The following TMC2 variants were observed in gnomAD, a reference collection of about 807,000 sequenced individuals.
TMC2 encodes the protein transmembrane channel-like protein 2.
TMC2 carries 102 observed loss-of-function variants against 105.9 expected under a neutral mutation model. The observed-to-expected ratio is 0.96, with a 90% CI of 0.82 to 1.14. The LOEUF (loss-of-function observed/expected upper bound fraction) is 1.14, where lower values mean the gene tolerates loss of function less well. Ranked by LOEUF, TMC2 falls within the 50% of genes most tolerant of loss-of-function variation. The pLI, the probability that TMC2 is intolerant of heterozygous loss-of-function variation, is 0.00. For missense variants in TMC2, 1,093 were observed against 1,134.3 expected (o/e 0.96, Z 0.52); for synonymous variants, 402 against 422.8 (o/e 0.95, Z 0.60).
intron 17 of TMC2, among the ~76,000 whole-genome samples, chr20:2,630,736 T>C (rs1309769939): frequency 2.0e-5 from 3 of 152,154 alleles, no homozygotes; most frequent in African/African-American, 4.8e-5. Flanking sequence ...AGGTGGAGGA[T>C]TGCTTGAACT....
intron 17 of TMC2, among the ~76,000 whole-genome samples, chr20:2,631,733 T>C (rs2086604826): frequency 6.6e-6 from 1 of 150,688 alleles, no homozygotes; most frequent in Non-Finnish European, 1.5e-5. Flanking sequence ...CTATGATATG[T>C]CTAGGACTAG....
At chr20:2,589,269 C>CGTGTGTGT (rs764448789) in intron 7 of TMC2, among the ~76,000 whole-genome samples, 7,944 of 84,550 alleles carry the variant, frequency 0.094, 784 homozygotes, top group Admixed American at 0.1. Context: ...TCCTATTTGC[C>CGTGTGTGT]CTGTGTGTGT....
chr20:2,540,762 C>T (rs948748104), intron 2 of TMC2, among the ~76,000 whole-genome samples: 20 of 152,208 alleles, frequency 1.3e-4, no homozygotes, highest in Non-Finnish European at 2.5e-4. Context: ...AGCCAGTATG[C>T]TCACAAGACC....
At chr20:2,630,862 G>A (rs1375605071) in intron 17 of TMC2, among the ~76,000 whole-genome samples, 3 of 152,118 alleles carry the variant, frequency 2.0e-5, no homozygotes, top group African/African-American at 7.2e-5. Flanking sequence ...TGCTTCTTTG[G>A]AAAAGCATAT....
intron 7 of TMC2, among the ~76,000 whole-genome samples, chr20:2,581,690 A>G (rs1266394518): frequency 6.6e-6 from 1 of 152,232 alleles, no homozygotes; most frequent in African/African-American, 2.4e-5. Context: ...CCACAGGCCT[A>G]TGAGACATCT....
Position 2,641,102 on chromosome 20 carries a change from C to G in TMC2, c.2504-32C>G, listed in dbSNP as rs2086684932. ...AATCCAACCTGTACAAAATCTCCCACTTCCTCTTTCTTGTCTTGGTTCGTT... is the reference window on the plus strand; with the variant it reads ...AATCCAACCTGTACAAAATCTCCCAGTTCCTCTTTCTTGTCTTGGTTCGTT... On this transcript the variant is annotated intron_variant, in intron 19 of 19. Coordinates refer to ENST00000358864, the MANE Select transcript of TMC2 (RefSeq NM_080751.3). 5 of 1,597,428 alleles carry G rather than the reference C, an allele frequency of 3.1e-6. No individual in the cohort carries two copies. The East Asian group carries it at 1.1e-4, about 36-fold the overall frequency.
intron 14 of TMC2, chr20:2,613,731 C>T (rs991911541): frequency 7.0e-6 from 2 of 287,308 alleles, no homozygotes; most frequent in African/African-American, 4.4e-5. Context: ...ACCATTGGTC[C>T]TGTCTTCTGG....
Position 2,629,165 on chromosome 20 carries a change from C to T in TMC2, c.2306+4769C>T, listed in dbSNP as rs2086585610. 3.3e-5 allele frequency among the ~76,000 whole-genome samples: 5 copies of T among 152,244 alleles called. No homozygotes were observed. In the South Asian group the frequency reaches 1.0e-3, roughly 32 times the overall value. ...TGTATTGTTTATCATATTTACTCAACCAAAGTTCTTGAATCTTCCAGGTCA... is the reference window on the plus strand; with the variant it reads ...TGTATTGTTTATCATATTTACTCAATCAAAGTTCTTGAATCTTCCAGGTCA... On this transcript the variant is annotated intron_variant, in intron 17 of 19. Transcript: ENST00000358864.
chr20:2,628,612 G>A (rs888112217), intron 17 of TMC2, among the ~76,000 whole-genome samples: 4 of 152,054 alleles, frequency 2.6e-5, no homozygotes, highest in Non-Finnish European at 5.9e-5. Flanking sequence ...AGATCTGATG[G>A]TTTTATAAGG....
rs1174765170 is a variant in TMC2, at chr20:2,612,172, C to A, written c.1594-19C>A. 1.1e-5 allele frequency: 18 copies of A among 1,576,078 alleles called. No individual in the cohort carries two copies. The highest frequency in any genetic ancestry group is 6.8e-5 in the East Asian group (3 of 43,960). On this transcript the variant is annotated intron_variant, in intron 12 of 19. Transcript: ENST00000358864. ...ATCCCTAGCTCCTTCCTACCCCACA[C>A]CTCCATCTTCTGTTCTAGCTTGCTA... is the stretch of plus-strand genomic sequence containing the variant.
chr20:2,635,252 C>G (rs2086633403), intron 17 of TMC2, among the ~76,000 whole-genome samples: 1 of 152,168 alleles, frequency 6.6e-6, no homozygotes, highest in African/African-American at 2.4e-5. Context: ...CTCTAAAACC[C>G]ATAAGGTCAG....
intron 2 of TMC2, among the ~76,000 whole-genome samples, chr20:2,549,699 C>T (rs907160145): frequency 4.6e-5 from 7 of 152,114 alleles, no homozygotes; most frequent in East Asian, 1.9e-4. Context: ...GCCGAGAGCA[C>T]GCCACTGCCC....
At chr20:2,575,113 G>A (rs923096966) in intron 5 of TMC2, among the ~76,000 whole-genome samples, 4 of 152,072 alleles carry the variant, frequency 2.6e-5, no homozygotes, top group African/African-American at 7.2e-5. Context: ...TATTAATTTT[G>A]TCTAGAGACT....
chr20:2,621,089 G>A (rs890521274), intron 16 of TMC2, among the ~76,000 whole-genome samples: 8 of 152,306 alleles, frequency 5.3e-5, no homozygotes, highest in African/African-American at 1.7e-4. Context: ...GAGGCCGGGT[G>A]CAGTGGCTCA....
At chr20:2,624,134 T>C (rs1293290036) in intron 16 of TMC2, 137 bp from the exon 17 acceptor site, 20 of 981,018 alleles carry the variant, frequency 2.0e-5, no homozygotes, top group South Asian at 5.9e-5. Context: ...TGCAGTTCAT[T>C]TGGAGCAGAG....
chr20:2,545,849 GAAAGAGAAAGAAAGAAAA>G (rs1224465060), intron 2 of TMC2, among the ~76,000 whole-genome samples: 11 of 107,186 alleles, frequency 1.0e-4, no homozygotes, highest in East Asian at 5.5e-4. Flanking sequence ...AAGAAAGAAA[GAAAGAGAAAGAAAGAAAA>G]AGAAAGAAAG....
At chr20:2,606,170 C>G (rs2086390113) in intron 11 of TMC2, among the ~76,000 whole-genome samples, 1 of 152,170 alleles carries the variant, frequency 6.6e-6, no homozygotes, top group Non-Finnish European at 1.5e-5. Context: ...GATTTATTTT[C>G]CTTTTTCTTT....
intron 2 of TMC2, among the ~76,000 whole-genome samples, chr20:2,539,696 C>T (rs6114822): frequency 0.11 from 16,540 of 152,190 alleles, 927 homozygotes; most frequent in East Asian, 0.15. Context: ...TGTTTTGCTC[C>T]GTCCCTTTTG....
At chr20:2,596,894 T>C (rs964064163) in intron 9 of TMC2, among the ~76,000 whole-genome samples, 1 of 151,964 alleles carries the variant, frequency 6.6e-6, no homozygotes, top group East Asian at 1.9e-4. Context: ...CATGGTCACG[T>C]GTCTTGTCTC....
Sources: allele counts gnomAD v4.1 joint callset (sites outside exome capture counted in the v4.1 genomes callset), GRCh38; gene constraint gnomAD v4.1.1; transcripts MANE v1.5; gene names NCBI Gene and HGNC (gene_info 2026-07-23, HGNC 2026-07-21).